TENT5C: variants seen among roughly 807,000 people sequenced by gnomAD.
The protein encoded by TENT5C is terminal nucleotidyltransferase 5C, also known as family with sequence similarity 46 member C.
Under a neutral mutation model 22.2 loss-of-function variants are expected in TENT5C, and 5 were observed. The observed-to-expected ratio is 0.22, with a 90% CI of 0.12 to 0.47. The LOEUF is 0.47. TENT5C is among the 20% of genes least tolerant of loss of function. The pLI, the probability that TENT5C is intolerant of heterozygous loss-of-function variation, is 0.99. For missense variants in TENT5C, 364 were observed against 500.9 expected (o/e 0.73, Z 2.61); for synonymous variants, 199 against 195.4 (o/e 1.02, Z -0.15).
Position 117,622,912 on chromosome 1 carries a change from G to A in TENT5C, c.44G>A (p.Ser15Asn). The A allele has an allele frequency of 1.2e-6, 2 of 1,614,032 alleles. No homozygotes were observed. Among genetic ancestry groups the A allele is most frequent in the Non-Finnish European group, 1.7e-6 (2 of 1,179,904 alleles). ...SSCTRDCMSFSVLNWDQVSRL... is the reference protein window; with the variant it reads ...SSCTRDCMSFNVLNWDQVSRL... ...TGTACCAGGGATTGCATGTCCTTCA[G>A]CGTGCTCAACTGGGATCAGGTTAGC... Residue 15 changes from serine (S) to asparagine (N), a missense_variant, in exon 2 of 2, where the codon AGC becomes AAC. Ser to Asn is a conservative substitution (Grantham distance 46). Around this residue, in one of 3 missense-constraint regions of TENT5C, gnomAD observed 303 missense variants for 394.5 expected, o/e 0.77. Transcript: ENST00000369448.
chr1:117,622,781 C>A, intron 1 of TENT5C, 61 bp from the exon 2 acceptor site: 1 of 1,158,414 alleles, frequency 8.6e-7, no homozygotes, highest in Non-Finnish European at 1.2e-6. Context: ...GTGTGAGTTC[C>A]TCGAGCTGCT....
rs577122312 is a variant in TENT5C, at chr1:117,624,794, T to A, written c.*750T>A. The A allele has an allele frequency of 4.0e-6, 1 of 247,920 alleles. No homozygotes were observed. The highest frequency in any genetic ancestry group is 8.5e-6 in the Non-Finnish European group (1 of 118,120). The allele number at this position is 247,920 out of a possible 1,614,324, so 15.4% of individuals were successfully genotyped here. On this transcript the variant is annotated 3_prime_UTR_variant, in exon 2 of 2. Transcript: ENST00000369448. ...ATAAAATGTGGAACATAATGTTTAATTAGAATTGTGGTGGTGGTAGTGGAA... is the reference window on the plus strand; with the variant it reads ...ATAAAATGTGGAACATAATGTTTAAATAGAATTGTGGTGGTGGTAGTGGAA...
At chr1:117,617,405 T>C (rs1570860855) in intron 1 of TENT5C, among the ~76,000 whole-genome samples, 1 of 150,952 alleles carries the variant, frequency 6.6e-6, no homozygotes. Context: ...TTCCCTTCAG[T>C]GTGTGTATTC....
At chr1:117,622,705 A>G (rs1653919893) in intron 1 of TENT5C, 137 bp from the exon 2 acceptor site, 4 of 627,454 alleles carry the variant, frequency 6.4e-6, no homozygotes, top group Non-Finnish European at 1.1e-5. Context: ...TTGAGTCCTC[A>G]TGGCAACACT....
At position 117,623,969 on chromosome 1, in the gene TENT5C, C is replaced by T; in HGVS notation, c.1101C>T (p.Asn367=). The change falls in exon 2 of 2, where the codon AAC becomes AAT. Residue 367 remains asparagine, a synonymous_variant. Coordinates refer to ENST00000369448, the MANE Select transcript of TENT5C (RefSeq NM_017709.4). ...YQPAPYVSDG[N]FSNYYVAHPP... ...CGGCCCCTTACGTCAGTGATGGCAA[C>T]TTCAGCAACTACTACGTTGCCCATC... The T allele has an allele frequency of 6.2e-7, 1 of 1,614,032 alleles. No homozygotes were observed. The highest frequency in any genetic ancestry group is 8.5e-7 in the Non-Finnish European group (1 of 1,180,000).
chr1:117,619,774 C>A (rs1653856323), intron 1 of TENT5C, among the ~76,000 whole-genome samples: 1 of 151,872 alleles, frequency 6.6e-6, no homozygotes, highest in African/African-American at 2.4e-5. Context: ...TGTTTTTCTT[C>A]ACTTTACTAT....
chr1:117,625,148 G>A lies in TENT5C; in HGVS notation c.*1104G>A, dbSNP rs142726505. 1 of 246,070 alleles carries A rather than the reference G, an allele frequency of 4.1e-6. No individual in the cohort carries two copies. The highest frequency in any genetic ancestry group is 2.2e-5 in the African/African-American group (1 of 44,690). 15.2% of individuals were successfully genotyped at this position (246,070 alleles called of 1,614,324 possible). A position where few individuals can be genotyped will look rare whatever the true frequency, so the allele number is the denominator to read the frequency against. ...AATAGTGACTTCCTTCTCCAGGTGT[G>A]TTTGACAGCAACTCAATTCAGGAAT... On this transcript the variant is annotated 3_prime_UTR_variant, in exon 2 of 2. Transcript: ENST00000369448.
chr1:117,625,464 G>A lies in TENT5C; in HGVS notation c.*1420G>A, dbSNP rs977542298. 1.2e-5 allele frequency: 3 copies of A among 248,078 alleles called. No individual in the cohort carries two copies. The highest frequency in any genetic ancestry group is 6.6e-5 in the African/African-American group (3 of 45,354). 15.4% of individuals were successfully genotyped at this position (248,078 alleles called of 1,614,324 possible). On this transcript the variant is annotated 3_prime_UTR_variant, in exon 2 of 2. Transcript: ENST00000369448. ...GTAGATGAGAGAGTTCTAGGCTACT[G>A]TGGCTTTTTCCAGTAGATTTAGATG...
chr1:117,623,276 G>C lies in TENT5C; in HGVS notation c.408G>C (p.Glu136Asp). ...KLKISPVTLKEAYVQKLVKVC... is the reference protein window; with the variant it reads ...KLKISPVTLKDAYVQKLVKVC... ...AAATCAGTCCAGTCACTCTGAAGGAGGCATATGTGCAGAAGCTAGTGAAGG... is the reference window on the plus strand; with the variant it reads ...AAATCAGTCCAGTCACTCTGAAGGACGCATATGTGCAGAAGCTAGTGAAGG... The change falls in exon 2 of 2, where the codon GAG becomes GAC. Residue 136 changes from glutamate to aspartate, a missense_variant. By Grantham distance (45) the Glu-to-Asp change is conservative. Coordinates refer to ENST00000369448, the MANE Select transcript of TENT5C (RefSeq NM_017709.4). The C allele has an allele frequency of 6.2e-7, 1 of 1,614,158 alleles. No individual in the cohort carries two copies. The highest frequency in any genetic ancestry group is 1.1e-5 in the South Asian group (1 of 91,070).
chr1:117,616,828 A>G (rs1380588030), intron 1 of TENT5C, among the ~76,000 whole-genome samples: 1 of 152,238 alleles, frequency 6.6e-6, no homozygotes, highest in Non-Finnish European at 1.5e-5. Flanking sequence ...TCAATAGCTG[A>G]GAGCCTCAGT....
At chr1:117,617,820 C>T (rs1182783607) in intron 1 of TENT5C, among the ~76,000 whole-genome samples, 1 of 152,212 alleles carries the variant, frequency 6.6e-6, no homozygotes, top group Non-Finnish European at 1.5e-5. Context: ...TACCTAAACA[C>T]TGAGGGCCTA....
At position 117,623,906 on chromosome 1, in the gene TENT5C, C is replaced by T. The variant is rs1558008092; in HGVS notation, c.1038C>T (p.Ile346=). ...LALRVLAEQN[I]IPSATNVTCY... is the part of the protein sequence containing the mutation. ...TGCGTGTGCTGGCGGAACAAAACATCATCCCCAGTGCCACCAACGTCACCT... is the reference window on the plus strand; with the variant it reads ...TGCGTGTGCTGGCGGAACAAAACATTATCCCCAGTGCCACCAACGTCACCT... The change falls in exon 2 of 2, where the codon ATC becomes ATT. Residue 346 remains isoleucine (I), a synonymous_variant. Transcript: ENST00000369448. The T allele has an allele frequency of 6.2e-7, 1 of 1,614,056 alleles. No homozygotes were observed. The highest frequency in any genetic ancestry group is 2.2e-5 in the East Asian group (1 of 44,892).
rs184080196 is a variant in TENT5C, at chr1:117,610,619, G to T, written c.-28+4466G>T. Among the ~76,000 whole-genome samples the T allele has an allele frequency of 2.6e-5, 4 of 152,134 alleles. No homozygotes were observed. The East Asian group carries it at 5.8e-4, about 22-fold the overall frequency. Reference sequence around the variant, plus strand: ...CTCTGCTCACTGCAACCTCCACCTCGTGGGTTCAAGCGATCCTCCTACCTC... The same window carrying T: ...CTCTGCTCACTGCAACCTCCACCTCTTGGGTTCAAGCGATCCTCCTACCTC... On this transcript the variant is annotated intron_variant, in intron 1 of 1. Coordinates refer to ENST00000369448, the MANE Select transcript of TENT5C (RefSeq NM_017709.4).
chr1:117,623,940 C>A lies in TENT5C; in HGVS notation c.1072C>A (p.Gln358Lys). 1 of 1,614,104 alleles carries A rather than the reference C, an allele frequency of 6.2e-7. No individual in the cohort carries two copies. The highest frequency in any genetic ancestry group is 8.5e-7 in the Non-Finnish European group (1 of 1,180,018). Residue 358 changes from glutamine (Q) to lysine (K), a missense_variant, in exon 2 of 2, where the codon CAG becomes AAG. By Grantham distance (53) the Gln-to-Lys change is moderately conservative. Coordinates refer to ENST00000369448, the MANE Select transcript of TENT5C (RefSeq NM_017709.4). The stretch of plus-strand genomic sequence containing the variant: ...TGCCACCAACGTCACCTGTTACTAC[C>A]AGCCGGCCCCTTACGTCAGTGATGG... The part of the protein sequence containing the change: ...PSATNVTCYY[Q>K]PAPYVSDGNF...
In TENT5C at chr1:117,628,066, A is replaced by G. The variant is rs189068201; in HGVS notation, c.*4022A>G. 3.3e-4 allele frequency: 83 copies of G among 248,150 alleles called. No homozygotes were observed. The highest frequency in any genetic ancestry group is 4.9e-4 in the Non-Finnish European group (58 of 118,130). 15.4% of individuals were successfully genotyped at this position (248,150 alleles called of 1,614,324 possible). ...ATACAGATCTGTGGGTGTTTTTAAA[A>G]AAACTCAACCTATCTGGTGTTTTAT... On this transcript the variant is annotated 3_prime_UTR_variant, in exon 2 of 2. Coordinates refer to ENST00000369448, the MANE Select transcript of TENT5C (RefSeq NM_017709.4).
Position 117,624,913 on chromosome 1 carries a change from A to G in TENT5C, c.*869A>G, listed in dbSNP as rs1266539422. On this transcript the variant is annotated 3_prime_UTR_variant, in exon 2 of 2. Transcript: ENST00000369448. ...CCTGCCTTTTTTTTCTTTTTTCCTC[A>G]TCAGCTCTTTCATGGCTGAATTTTG... 6 of 247,388 alleles carry G rather than the reference A, an allele frequency of 2.4e-5. No individual in the cohort carries two copies. The highest frequency in any genetic ancestry group is 1.8e-4 in the South Asian group (1 of 5,514). The allele number at this position is 247,388 out of a possible 1,614,324, so 15.3% of individuals were successfully genotyped here. A position where few individuals can be genotyped will look rare whatever the true frequency, so the allele number is the denominator to read the frequency against.
chr1:117,620,113 T>G (rs1455611482), intron 1 of TENT5C, among the ~76,000 whole-genome samples: 1 of 152,204 alleles, frequency 6.6e-6, no homozygotes, highest in African/African-American at 2.4e-5. Context: ...AAAAAAAGGC[T>G]CATAGCTTCC....
Position 117,625,654 on chromosome 1 carries a change from G to A in TENT5C, c.*1610G>A, listed in dbSNP as rs145048505. 87 of 247,976 alleles carry A rather than the reference G, an allele frequency of 3.5e-4. 2 individuals carry two copies. In the Middle Eastern group the frequency reaches 3.8e-3, roughly 11 times the overall value. 15.4% of individuals were successfully genotyped at this position (247,976 alleles called of 1,614,324 possible). On this transcript the variant is annotated 3_prime_UTR_variant, in exon 2 of 2. Transcript: ENST00000369448. ...CTTTGGCTATGAAAACCCAAAGCCCGGAGTGATTGTTTTCTCCTTGCTTTA... is the reference window on the plus strand; with the variant it reads ...CTTTGGCTATGAAAACCCAAAGCCCAGAGTGATTGTTTTCTCCTTGCTTTA...
rs114220637 is a variant in TENT5C at position 117,614,903 on chromosome 1, G to C, written c.-27-7939G>C. Among the ~76,000 whole-genome samples, 669 of 152,226 alleles carry C rather than the reference G, an allele frequency of 4.4e-3. 4 individuals carry two copies. Among genetic ancestry groups the C allele is most frequent in the African/African-American group, 0.015 (637 of 41,528 alleles). ...ACTTGGTTTCTCTAAAATCACCACT[G>C]TTCTGCAACGTAGCAAGCATCTTGG... On this transcript the variant is annotated intron_variant, in intron 1 of 1. Transcript: ENST00000369448.
Sources: gnomAD v4.1 joint callset for allele counts (sites outside exome capture counted in the v4.1 genomes callset) on GRCh38, gnomAD v4.1.1 for gene constraint, gnomAD v4.1.1 regional missense constraint, MANE v1.5 for transcripts, NCBI Gene and HGNC (gene_info 2026-07-23, HGNC 2026-07-21) for gene names.